GPR39: variants seen among roughly 807,000 people sequenced by gnomAD.
GPR39 encodes zinc sensing receptor.
In GPR39, 23 loss-of-function variants were observed where a neutral mutation model predicts 18.4. That is an observed-to-expected ratio of 1.25 (90% CI 0.90 to 1.77). The LOEUF is 1.77. Ranked by LOEUF, GPR39 falls within the 40% of genes most tolerant of loss-of-function variation. The pLI, the probability that GPR39 is intolerant of heterozygous loss-of-function variation, is 0.00. For synonymous variants in GPR39, 280 were observed against 257.9 expected, an observed-to-expected ratio of 1.09 and a Z score of -0.82; for missense variants, 647 against 602.4, an observed-to-expected ratio of 1.07 and a Z score of -0.78.
chr2:132,604,282 C>A (rs192417143), intron 1 of GPR39, among the ~76,000 whole-genome samples: 2 of 152,202 alleles, frequency 1.3e-5, no homozygotes, highest in Non-Finnish European at 2.9e-5. Context: ...TATCCCCTTG[C>A]CAGAATGATT....
intron 1 of GPR39, among the ~76,000 whole-genome samples, chr2:132,444,789 G>C (rs1313496221): frequency 6.6e-6 from 1 of 152,126 alleles, no homozygotes; most frequent in Non-Finnish European, 1.5e-5. Flanking sequence ...CATTTCCTTT[G>C]GGTTTGCTGT....
intron 1 of GPR39, among the ~76,000 whole-genome samples, chr2:132,529,215 C>A (rs996618049): frequency 2.6e-5 from 4 of 152,248 alleles, no homozygotes; most frequent in African/African-American, 9.6e-5. Context: ...TATCCCACAC[C>A]TGGCTCGGAG....
intron 1 of GPR39, among the ~76,000 whole-genome samples, chr2:132,523,059 C>G (rs968350704): frequency 1.3e-5 from 2 of 152,214 alleles, no homozygotes; most frequent in East Asian, 1.9e-4. Context: ...ACTTACGTAA[C>G]AAATCACTCC....
At chr2:132,603,941 A>C (rs1164390102) in intron 1 of GPR39, among the ~76,000 whole-genome samples, 1 of 152,154 alleles carries the variant, frequency 6.6e-6, no homozygotes, top group Non-Finnish European at 1.5e-5. Context: ...TGGGAGGGAC[A>C]GGAAAATGTA....
intron 1 of GPR39, among the ~76,000 whole-genome samples, chr2:132,629,629 G>A (rs578053879): frequency 1.3e-5 from 2 of 152,330 alleles, no homozygotes; most frequent in South Asian, 2.1e-4. Flanking sequence ...TTACAGGCAA[G>A]GAAACTCATC....
rs1680316668 is a variant in GPR39, at chr2:132,564,803, C to CTTTTTTTTTTTTTTTTT, written c.857-80292_857-80291insTTTTTTTTTTTTTTTTT. 6.5e-5 allele frequency among the ~76,000 whole-genome samples: 6 copies of CTTTTTTTTTTTTTTTTT among 91,718 alleles called. No individual in the cohort carries two copies. The East Asian group carries it at 2.0e-3, about 31-fold the overall frequency. The allele number at this position is 91,718 out of a possible 152,430, so 60.2% of individuals were successfully genotyped here. On this transcript the variant is annotated intron_variant, in intron 1 of 1. Transcript: ENST00000329321. The stretch of plus-strand genomic sequence containing the variant: ...AGGAAGCTTTAATAACTATTTTTTT[C>CTTTTTTTTTTTTTTTTT]TTTTTTCTTTTTTTTTTTTTTTTTT...
At chr2:132,461,133 A>T (rs1335331406) in intron 1 of GPR39, among the ~76,000 whole-genome samples, 2 of 152,212 alleles carry the variant, frequency 1.3e-5, no homozygotes, top group Non-Finnish European at 2.9e-5. Flanking sequence ...TAATCGTATA[A>T]GACCCTTGTG....
intron 1 of GPR39, among the ~76,000 whole-genome samples, chr2:132,498,348 C>T (rs1681687976): frequency 1.3e-5 from 2 of 152,186 alleles, no homozygotes; most frequent in Non-Finnish European, 2.9e-5. Context: ...GTTTTCCATT[C>T]CTGAGCCGCT....
chr2:132,534,744 A>G (rs1222957072), intron 1 of GPR39, among the ~76,000 whole-genome samples: 1 of 152,056 alleles, frequency 6.6e-6, no homozygotes, highest in Non-Finnish European at 1.5e-5. Flanking sequence ...CAAGGACAAA[A>G]AACTAAACAC....
intron 1 of GPR39, among the ~76,000 whole-genome samples, chr2:132,467,043 T>C (rs900317179): frequency 5.3e-5 from 8 of 152,180 alleles, no homozygotes; most frequent in African/African-American, 1.9e-4. Context: ...AGTAATACCC[T>C]AGTAGGAGTT....
At chr2:132,644,667 C>T (rs1418706165) in intron 1 of GPR39, among the ~76,000 whole-genome samples, 3 of 138,208 alleles carry the variant, frequency 2.2e-5, no homozygotes, top group Non-Finnish European at 3.2e-5. Context: ...CTTCTTTGTG[C>T]AGACATCCTT....
At chr2:132,480,391 A>C (rs751871558) in intron 1 of GPR39, among the ~76,000 whole-genome samples, 52 of 152,196 alleles carry the variant, frequency 3.4e-4, no homozygotes, top group Non-Finnish European at 1.0e-4. Flanking sequence ...AAAATGGTTA[A>C]GATGGTAAAT....
intron 1 of GPR39, among the ~76,000 whole-genome samples, chr2:132,505,595 C>G (rs1442059416): frequency 1.3e-5 from 2 of 152,186 alleles, no homozygotes; most frequent in African/African-American, 2.4e-5. Flanking sequence ...TCATTCTACT[C>G]TCTACATTCA....
At chr2:132,589,476 T>C (rs1213095617) in intron 1 of GPR39, among the ~76,000 whole-genome samples, 1 of 152,252 alleles carries the variant, frequency 6.6e-6, no homozygotes, top group African/African-American at 2.4e-5. Flanking sequence ...TCATATCCTT[T>C]AAGCTAATTT....
chr2:132,541,331 G>A (rs1018812197), intron 1 of GPR39, among the ~76,000 whole-genome samples: 4 of 152,066 alleles, frequency 2.6e-5, no homozygotes, highest in Admixed American at 6.6e-5. Flanking sequence ...TGATCCACCC[G>A]CCTCAGCCTC....
At chr2:132,591,228 G>A (rs528770053) in intron 1 of GPR39, among the ~76,000 whole-genome samples, 226 of 133,666 alleles carry the variant, frequency 1.7e-3, no homozygotes, top group Non-Finnish European at 2.7e-3. Flanking sequence ...TCCGCAGTCC[G>A]GCCTGGGCGA....
intron 1 of GPR39, among the ~76,000 whole-genome samples, chr2:132,579,756 T>G (rs1680593126): frequency 6.6e-6 from 1 of 152,124 alleles, no homozygotes; most frequent in Admixed American, 6.5e-5. Context: ...ACAAATGTCT[T>G]TTGGAGTCTG....
At chr2:132,610,146 G>A (rs181537630) in intron 1 of GPR39, among the ~76,000 whole-genome samples, 92 of 152,174 alleles carry the variant, frequency 6.0e-4, no homozygotes, top group African/African-American at 2.0e-3. Context: ...TGAATGAATA[G>A]GAATACCTCA....
chr2:132,510,661 AT>A (rs2104758020), intron 1 of GPR39, among the ~76,000 whole-genome samples: 1 of 152,302 alleles, frequency 6.6e-6, no homozygotes, highest in South Asian at 2.1e-4. Context: ...TAGTCCTGAA[AT>A]TTTGACTGCT....
Sources: gnomAD v4.1 joint callset for allele counts (sites outside exome capture counted in the v4.1 genomes callset) on GRCh38, gnomAD v4.1.1 for gene constraint, MANE v1.5 for transcripts, NCBI Gene and HGNC (gene_info 2026-07-23, HGNC 2026-07-21) for gene names.